ADAMTSL3: variants seen among roughly 807,000 people sequenced by gnomAD.
The protein encoded by ADAMTSL3 is ADAMTS-like protein 3.
ADAMTSL3 carries 128 observed loss-of-function variants against 201.7 expected under a neutral mutation model. The ratio of observed to expected loss-of-function variants is 0.63; its 90% CI spans 0.55 to 0.73. The LOEUF is 0.73. ADAMTSL3 is among the 30% of genes least tolerant of loss of function. ADAMTSL3 has a pLI of 0.00. For missense variants in ADAMTSL3, 1,990 were observed against 2,119.6 expected, an observed-to-expected ratio of 0.94 and a Z score of 1.20; for synonymous variants, 738 against 748.4, an observed-to-expected ratio of 0.99 and a Z score of 0.23.
intron 20 of ADAMTSL3, among the ~76,000 whole-genome samples, chr15:83,978,456 G>A (rs564469613): frequency 9.2e-5 from 14 of 152,310 alleles, no homozygotes; most frequent in East Asian, 7.7e-4. Context: ...TGCTGCAGTT[G>A]GTACCTGGCC....
At chr15:83,781,388 C>T (rs2063165035) in intron 4 of ADAMTSL3, among the ~76,000 whole-genome samples, 1 of 152,162 alleles carries the variant, frequency 6.6e-6, no homozygotes, top group African/African-American at 2.4e-5. Context: ...ATAATTGGTG[C>T]TGGGATAAAT....
At chr15:83,885,939 GTCTT>G (rs1461541397) in intron 10 of ADAMTSL3, among the ~76,000 whole-genome samples, 5 of 152,072 alleles carry the variant, frequency 3.3e-5, no homozygotes, top group African/African-American at 1.2e-4. Flanking sequence ...GGCCAGGCTG[GTCTT>G]GAACTCCCAA....
At chr15:83,786,606 G>A (rs910040730) in intron 4 of ADAMTSL3, among the ~76,000 whole-genome samples, 5 of 151,602 alleles carry the variant, frequency 3.3e-5, no homozygotes, top group South Asian at 4.2e-4. Flanking sequence ...TACTGCTATG[G>A]CATTATTTAT....
chr15:83,838,397 T>G (rs572833181), intron 7 of ADAMTSL3, among the ~76,000 whole-genome samples, 182 bp downstream of exon 7: 1 of 152,384 alleles, frequency 6.6e-6, no homozygotes, highest in East Asian at 1.9e-4. Flanking sequence ...ATTATATCTT[T>G]GAAGAGGACC....
intron 3 of ADAMTSL3, among the ~76,000 whole-genome samples, chr15:83,748,528 G>A (rs1250170608): frequency 6.6e-6 from 1 of 151,650 alleles, no homozygotes; most frequent in Non-Finnish European, 1.5e-5. Context: ...GTATGCACTT[G>A]TAGTCCCAGC....
At chr15:83,823,876 TTTCCTTCTTCTTCTTC>T (rs2063936461) in intron 6 of ADAMTSL3, among the ~76,000 whole-genome samples, 1 of 150,170 alleles carries the variant, frequency 6.7e-6, no homozygotes, top group Admixed American at 6.7e-5. Flanking sequence ...ACAGACTCCA[TTTCCTTCTTCTTCTTC>T]CTCTTCTTCT....
chr15:83,737,918 GAC>G (rs1458975011), intron 3 of ADAMTSL3, among the ~76,000 whole-genome samples: 2 of 152,142 alleles, frequency 1.3e-5, no homozygotes, highest in Non-Finnish European at 2.9e-5. Context: ...TGTATTAGAA[GAC>G]AGAGACACTA....
At chr15:83,903,687 G>A (rs1447248328) in intron 15 of ADAMTSL3, among the ~76,000 whole-genome samples, 3 of 151,838 alleles carry the variant, frequency 2.0e-5, no homozygotes, top group Non-Finnish European at 4.4e-5. Flanking sequence ...GAAGGCTGAG[G>A]TGGGTGTATC....
intron 16 of ADAMTSL3, among the ~76,000 whole-genome samples, chr15:83,916,119 T>C (rs1032341994): frequency 6.6e-6 from 1 of 152,184 alleles, no homozygotes; most frequent in African/African-American, 2.4e-5. Flanking sequence ...TGCCCTGCTA[T>C]GAGAAGAGAA....
chr15:83,942,795 C>A lies in ADAMTSL3; in HGVS notation c.2310+7C>A. The stretch of plus-strand genomic sequence containing the variant: ...CATTGAAGAATGGCAGCAGGTAGGG[C>A]AGACTGGCCACTCCAGGGCCCTCTG... On this transcript the variant is annotated splice_region_variant and intron_variant, in intron 18 of 29. Transcript: ENST00000286744. The A allele has an allele frequency of 6.2e-7, 1 of 1,611,544 alleles. No individual in the cohort carries two copies. The highest frequency in any genetic ancestry group is 8.5e-7 in the Non-Finnish European group (1 of 1,178,850).
At chr15:83,837,269 G>A (rs895867046) in intron 6 of ADAMTSL3, among the ~76,000 whole-genome samples, 14 of 151,384 alleles carry the variant, frequency 9.2e-5, no homozygotes, top group African/African-American at 3.4e-4. Flanking sequence ...TAAAGATATA[G>A]ATAAAGACTA....
At chr15:83,696,687 T>C (rs1317451044) in intron 2 of ADAMTSL3, among the ~76,000 whole-genome samples, 1 of 152,194 alleles carries the variant, frequency 6.6e-6, no homozygotes, top group Non-Finnish European at 1.5e-5. Flanking sequence ...TTGGGCAAAT[T>C]TGCCATCAGC....
chr15:83,852,693 A>G (rs1262622995), intron 7 of ADAMTSL3, among the ~76,000 whole-genome samples: 1 of 152,124 alleles, frequency 6.6e-6, no homozygotes. Flanking sequence ...AACACTCTGG[A>G]TATTAAGAAA....
rs2067039897 is a variant in ADAMTSL3, at chr15:83,964,536, A to G, written c.2491-5948A>G. On this transcript the variant is annotated intron_variant, in intron 19 of 29. Transcript: ENST00000286744. Reference sequence around the variant, plus strand: ...ATATGGGACTATGTGGAAAGACCAAACCTACGTTTGTTTGGTGTACCTGAA... The same window carrying G: ...ATATGGGACTATGTGGAAAGACCAAGCCTACGTTTGTTTGGTGTACCTGAA... Among the ~76,000 whole-genome samples the G allele has an allele frequency of 2.0e-5, 3 of 152,160 alleles. No homozygotes were observed. In the South Asian group the frequency reaches 6.2e-4, roughly 32 times the overall value.
In ADAMTSL3 at chr15:84,031,386, G is replaced by T. The variant is rs559759377; in HGVS notation, c.4708G>T (p.Ala1570Ser). The T allele has an allele frequency of 6.9e-5, 111 of 1,614,106 alleles. 1 individual carries two copies. The South Asian group carries it at 1.2e-3, about 17-fold the overall frequency. The change falls in exon 28 of 30, where the codon GCT (alanine) becomes TCT (serine). Residue 1570 changes from alanine to serine, a missense_variant. Ala to Ser is a moderately conservative substitution (Grantham distance 99). Transcript: ENST00000286744. ...RAVRMQQRHT[A>S]CQHNSSDSNC... ...TGTGAGGATGCAGCAGCGTCACACA[G>T]CTTGTCAACACAACAGCTCTGACTC...
intron 5 of ADAMTSL3, among the ~76,000 whole-genome samples, chr15:83,819,376 A>G (rs1294900156): frequency 6.6e-6 from 1 of 152,172 alleles, no homozygotes; most frequent in Non-Finnish European, 1.5e-5. Flanking sequence ...GGCATGGATA[A>G]CAATTAAATT....
intron 17 of ADAMTSL3, among the ~76,000 whole-genome samples, chr15:83,932,937 A>G (rs900888744): frequency 6.6e-6 from 1 of 152,250 alleles, no homozygotes; most frequent in Non-Finnish European, 1.5e-5. Context: ...AAATGTTTAC[A>G]TATATAAAAC....
intron 2 of ADAMTSL3, among the ~76,000 whole-genome samples, chr15:83,689,463 C>G (rs2061583748): frequency 6.6e-6 from 1 of 152,092 alleles, no homozygotes; most frequent in South Asian, 2.1e-4. Flanking sequence ...TTTTTGCTGT[C>G]ACTGTTTTGG....
chr15:83,903,958 A>AGGAGGGAGGG (rs1448100528), intron 15 of ADAMTSL3, among the ~76,000 whole-genome samples: 1 of 77,526 alleles, frequency 1.3e-5, no homozygotes, highest in African/African-American at 6.7e-5. Context: ...AAAAGAAAGA[A>AGGAGGGAGGG]AGAAAGAAAG....
Sources: allele counts gnomAD v4.1 joint callset (sites outside exome capture counted in the v4.1 genomes callset), GRCh38; gene constraint gnomAD v4.1.1; transcripts MANE v1.5; gene names NCBI Gene and HGNC (gene_info 2026-07-23, HGNC 2026-07-21).